Variants in CDH13 observed in about 807,000 individuals in gnomAD.
The protein encoded by CDH13 is cadherin 13.
CDH13 carries 24 observed loss-of-function variants against 63.8 expected under a neutral mutation model. The observed-to-expected ratio is 0.38, with a 90% CI of 0.27 to 0.53. The LOEUF (loss-of-function observed/expected upper bound fraction) is 0.53. CDH13 is among the 20% of genes least tolerant of loss of function. The pLI, the probability that CDH13 is intolerant of heterozygous loss-of-function variation, is 0.85. For missense variants in CDH13, 1,049 were observed against 903.1 expected (o/e 1.16, Z -2.07); for synonymous variants, 503 against 355.3 (o/e 1.42, Z -4.67).
intron 3 of CDH13, among the ~76,000 whole-genome samples, chr16:83,121,549 A>G (rs933550976): frequency 6.6e-6 from 1 of 152,162 alleles, no homozygotes; most frequent in Non-Finnish European, 1.5e-5. Flanking sequence ...TGGAGTGATG[A>G]TGATAGTGGT....
At chr16:83,091,272 A>C (rs570792764) in intron 3 of CDH13, among the ~76,000 whole-genome samples, 2,557 of 150,710 alleles carry the variant, frequency 0.017, 70 homozygotes, top group African/African-American at 0.059. Context: ...TGCTATCAGA[A>C]AAAAAAAAAT....
chr16:83,352,571 C>G (rs1286087436), intron 6 of CDH13, among the ~76,000 whole-genome samples: 1 of 152,176 alleles, frequency 6.6e-6, no homozygotes, highest in African/African-American at 2.4e-5. Flanking sequence ...TACACACACA[C>G]AATGGAATAC....
intron 3 of CDH13, among the ~76,000 whole-genome samples, chr16:83,114,620 G>A (rs988426891): frequency 1.1e-4 from 16 of 152,152 alleles, no homozygotes; most frequent in Admixed American, 7.9e-4. Flanking sequence ...GGGTGACTTA[G>A]TTTTGCTGAT....
chr16:82,921,322 G>A (rs1464620056), intron 2 of CDH13, among the ~76,000 whole-genome samples: 5 of 152,242 alleles, frequency 3.3e-5, no homozygotes, highest in Admixed American at 3.3e-4. Flanking sequence ...GCTTCTGGTG[G>A]CAGCTGGCAT....
At chr16:83,770,700 TG>T (rs1245075097) in intron 11 of CDH13, among the ~76,000 whole-genome samples, 2 of 152,192 alleles carry the variant, frequency 1.3e-5, no homozygotes, top group Non-Finnish European at 2.9e-5. Flanking sequence ...AACCTCCTGA[TG>T]TTGCCATGGC....
Position 83,335,749 on chromosome 16 carries a change from C to T in CDH13, c.637-9113C>T, listed in dbSNP as rs563723439. Among the ~76,000 whole-genome samples the T allele has an allele frequency of 1.1e-4, 17 of 152,154 alleles. No individual in the cohort carries two copies. In the East Asian group the frequency reaches 1.9e-3, roughly 17 times the overall value. ...TGAAAATCCCTATCCTGTTTTGTTC[C>T]GATCTAATTACCGGTGCATGCAGAC... On this transcript the variant is annotated intron_variant, in intron 5 of 13. Coordinates refer to ENST00000567109, the MANE Select transcript of CDH13 (RefSeq NM_001257.5).
chr16:82,679,281 C>A (rs1567619238), intron 1 of CDH13, among the ~76,000 whole-genome samples: 1 of 152,174 alleles, frequency 6.6e-6, no homozygotes, highest in Non-Finnish European at 1.5e-5. Flanking sequence ...ACCTGGGAAG[C>A]TGTTGTTGAT....
chr16:83,093,104 C>A (rs936276134), intron 3 of CDH13, among the ~76,000 whole-genome samples: 1 of 152,072 alleles, frequency 6.6e-6, no homozygotes, highest in East Asian at 1.9e-4. Flanking sequence ...ACTCAACCTC[C>A]ATCTATAAAA....
At chr16:82,676,463 C>G (rs1325120859) in intron 1 of CDH13, among the ~76,000 whole-genome samples, 3 of 149,830 alleles carry the variant, frequency 2.0e-5, no homozygotes, top group Non-Finnish European at 3.0e-5. Flanking sequence ...TTGCCAGTAT[C>G]CTAATCTGAG....
chr16:83,253,441 A>G (rs1905829978), intron 5 of CDH13, among the ~76,000 whole-genome samples: 1 of 152,214 alleles, frequency 6.6e-6, no homozygotes, highest in Non-Finnish European at 1.5e-5. Flanking sequence ...CCAGTGTCCA[A>G]GGCAAAATCT....
chr16:83,330,959 C>T (rs2090468902), intron 5 of CDH13, among the ~76,000 whole-genome samples: 1 of 152,138 alleles, frequency 6.6e-6, no homozygotes, highest in Non-Finnish European at 1.5e-5. Context: ...TTTAAGGATA[C>T]TGGTGGATAA....
At chr16:82,956,949 G>A (rs1186629524) in intron 2 of CDH13, among the ~76,000 whole-genome samples, 2 of 152,196 alleles carry the variant, frequency 1.3e-5, no homozygotes, top group Non-Finnish European at 2.9e-5. Flanking sequence ...TGGCCCCACT[G>A]TGTCACTTAG....
intron 10 of CDH13, among the ~76,000 whole-genome samples, chr16:83,705,019 G>C (rs948546159): frequency 1.4e-4 from 22 of 152,274 alleles, no homozygotes; most frequent in African/African-American, 5.3e-4. Flanking sequence ...TCACTTAGAT[G>C]AGTTTTCTGT....
intron 5 of CDH13, among the ~76,000 whole-genome samples, chr16:83,255,274 C>A (rs1421531665): frequency 1.3e-5 from 2 of 152,148 alleles, no homozygotes; most frequent in African/African-American, 4.8e-5. Context: ...ATTAAAAAGA[C>A]AAGTGGAGAG....
At chr16:83,651,960 A>T (rs1335235964) in intron 8 of CDH13, among the ~76,000 whole-genome samples, 1 of 152,108 alleles carries the variant, frequency 6.6e-6, no homozygotes, top group Non-Finnish European at 1.5e-5. Context: ...GATTTTCATT[A>T]TGTTACTCCA....
intron 7 of CDH13, among the ~76,000 whole-genome samples, chr16:83,505,373 T>G (rs2074371771): frequency 6.6e-6 from 1 of 152,028 alleles, no homozygotes; most frequent in Non-Finnish European, 1.5e-5. Context: ...GAAAGGCCAG[T>G]GGAAATCCAT....
intron 4 of CDH13, among the ~76,000 whole-genome samples, chr16:83,187,660 A>G (rs551957616): frequency 3.9e-5 from 6 of 152,264 alleles, no homozygotes; most frequent in African/African-American, 9.6e-5. Flanking sequence ...GCAAAAATGC[A>G]TTGAGCTCCA....
At chr16:83,375,379 G>T (rs2091441730) in intron 6 of CDH13, among the ~76,000 whole-genome samples, 1 of 152,206 alleles carries the variant, frequency 6.6e-6, no homozygotes, top group African/African-American at 2.4e-5. Flanking sequence ...GGTCTGAAGT[G>T]TACAGTGACA....
chr16:82,796,987 A>G (rs899170782), intron 1 of CDH13, among the ~76,000 whole-genome samples: 1 of 152,198 alleles, frequency 6.6e-6, no homozygotes, highest in Non-Finnish European at 1.5e-5. Flanking sequence ...GATCCTATCA[A>G]CTTTTTCTTC....
Sources: gnomAD v4.1 joint callset for allele counts (sites outside exome capture counted in the v4.1 genomes callset) on GRCh38, gnomAD v4.1.1 for gene constraint, MANE v1.5 for transcripts, NCBI Gene and HGNC (gene_info 2026-07-23, HGNC 2026-07-21) for gene names.